EML6: variants seen among roughly 807,000 people sequenced by gnomAD.
EML6 encodes the protein EMAP like 6, also known as echinoderm microtubule-associated protein-like 6.
In EML6, 154 loss-of-function variants were observed where a neutral mutation model predicts 240.1. The observed-to-expected ratio is 0.64, with a 90% CI of 0.56 to 0.73. The LOEUF is 0.73. Ranked by LOEUF, EML6 falls within the 30% of genes least tolerant of loss-of-function variation. The probability of loss-of-function intolerance (pLI) is 0.00; values close to 1 mark genes in which losing one functional copy is unlikely to be tolerated. For missense variants in EML6, 2,964 were observed against 2,474.6 expected, an observed-to-expected ratio of 1.20 and a Z score of -4.20; for synonymous variants, 1,148 against 899.0, an observed-to-expected ratio of 1.28 and a Z score of -4.95.
At chr2:54,770,914 A>G (rs1668376572) in intron 2 of EML6, among the ~76,000 whole-genome samples, 1 of 152,136 alleles carries the variant, frequency 6.6e-6, no homozygotes, top group South Asian at 2.1e-4. Context: ...ACTTTTGTGG[A>G]TGTAGTAATC....
chr2:54,763,475 T>C (rs1668059750), intron 2 of EML6, among the ~76,000 whole-genome samples: 1 of 152,250 alleles, frequency 6.6e-6, no homozygotes, highest in Non-Finnish European at 1.5e-5. Flanking sequence ...AAATAAGATA[T>C]ACTCAGAGAA....
At position 54,724,977 on chromosome 2, in the gene EML6, C is replaced by A; in HGVS notation, c.-85C>A. On this transcript the variant is annotated 5_prime_UTR_variant, in exon 2 of 42. Coordinates refer to ENST00000356458, the MANE Select transcript of EML6 (RefSeq NM_001039753.4). The surrounding 1 kb of genome is among the most constrained non-coding windows in gnomAD (Gnocchi z 5.2). ...TCAGCGCCCTGCGCCGCGCGCTGAG[C>A]CCCTGCAGGTCCGCCGCAGCCCCAG... is the stretch of plus-strand genomic sequence containing the variant. The A allele has an allele frequency of 8.6e-7, 1 of 1,163,644 alleles. No individual in the cohort carries two copies. The highest frequency in any genetic ancestry group is 1.1e-6 in the Non-Finnish European group (1 of 909,410). 72.1% of individuals were successfully genotyped at this position (1,163,644 alleles called of 1,614,324 possible).
chr2:54,924,126 A>G (rs1344292234), intron 26 of EML6, among the ~76,000 whole-genome samples: 1 of 152,178 alleles, frequency 6.6e-6, no homozygotes, highest in East Asian at 1.9e-4. Flanking sequence ...TCTTAGGTAA[A>G]TATATAGGAG....
chr2:54,952,182 G>A (rs1676014714), intron 30 of EML6, among the ~76,000 whole-genome samples: 7 of 152,130 alleles, frequency 4.6e-5, no homozygotes. Flanking sequence ...GCTCAGTAAA[G>A]CATCATCTCC....
intron 22 of EML6, among the ~76,000 whole-genome samples, chr2:54,902,497 T>G (rs1390364791): frequency 6.6e-6 from 1 of 152,130 alleles, no homozygotes; most frequent in Non-Finnish European, 1.5e-5. Flanking sequence ...CCTCCAAAGC[T>G]CAAGTGATCC....
chr2:54,843,453 G>C (rs1669568748), intron 7 of EML6, among the ~76,000 whole-genome samples: 1 of 152,060 alleles, frequency 6.6e-6, no homozygotes, highest in Non-Finnish European at 1.5e-5. Context: ...CAATCCTGCT[G>C]TAGAAACACA....
At chr2:54,796,445 T>G (rs546951386) in intron 2 of EML6, among the ~76,000 whole-genome samples, 4 of 152,310 alleles carry the variant, frequency 2.6e-5, no homozygotes, top group African/African-American at 9.6e-5. Context: ...CCTGTGCATT[T>G]TTTTTGAAGT....
intron 2 of EML6, among the ~76,000 whole-genome samples, chr2:54,807,133 T>G (rs1670541495): frequency 6.6e-6 from 1 of 152,126 alleles, no homozygotes; most frequent in African/African-American, 2.4e-5. Context: ...TTTTCTAAAC[T>G]CCTATATCTG....
chr2:54,835,624 T>A (rs1364567883), intron 7 of EML6, among the ~76,000 whole-genome samples: 2 of 152,136 alleles, frequency 1.3e-5, no homozygotes, highest in African/African-American at 4.8e-5. Flanking sequence ...GCCCAGGTGG[T>A]TGTTCCAGAG....
chr2:54,898,182 C>A (rs1323147717), intron 21 of EML6, among the ~76,000 whole-genome samples: 1 of 152,058 alleles, frequency 6.6e-6, no homozygotes, highest in African/African-American at 2.4e-5. Flanking sequence ...AAGCAGGATC[C>A]TAAGCCCATT....
At chr2:54,756,536 C>T (rs748814745) in intron 2 of EML6, among the ~76,000 whole-genome samples, 32 of 152,018 alleles carry the variant, frequency 2.1e-4, no homozygotes, top group African/African-American at 1.4e-4. Context: ...TGAACCATTT[C>T]TCTTGTATTT....
chr2:54,784,417 A>G (rs1229406370), intron 2 of EML6, among the ~76,000 whole-genome samples: 1 of 152,192 alleles, frequency 6.6e-6, no homozygotes, highest in Non-Finnish European at 1.5e-5. Context: ...ACTTGTTACC[A>G]TATGTATTTT....
At position 54,959,252 on chromosome 2, in the gene EML6, A is replaced by G; in HGVS notation, c.4844A>G (p.Lys1615Arg). The G allele has an allele frequency of 6.5e-7, 1 of 1,537,548 alleles. No homozygotes were observed. Among genetic ancestry groups the G allele is most frequent in the South Asian group, 1.2e-5 (1 of 81,666 alleles). ...GATGGACTCATAGTGACCGGCGGAA[A>G]AGAGAGGCCGTAAGCCAAAGCTCCT... ...LRDGLIVTGG[K>R]ERPTKEGGAV... is the part of the protein sequence containing the mutation. The change falls in exon 34 of 42, where the codon AAA (lysine) becomes AGA (arginine). Residue 1615 changes from lysine to arginine, a missense_variant. Lys to Arg is a conservative substitution (Grantham distance 26). Coordinates refer to ENST00000356458, the MANE Select transcript of EML6 (RefSeq NM_001039753.4).
rs555152906 is a variant in EML6, at chr2:54,863,880, T to C, written c.1923T>C (p.Tyr641=). 58 of 1,537,130 alleles carry C rather than the reference T, an allele frequency of 3.8e-5. No individual in the cohort carries two copies. The African/African-American group carries it at 5.0e-4, about 13-fold the overall frequency. The change falls in exon 13 of 42, where the codon TAT becomes TAC. Residue 641 remains tyrosine (Y), a synonymous_variant. Coordinates refer to ENST00000356458, the MANE Select transcript of EML6 (RefSeq NM_001039753.4). ...TTGAGCAAGAAGCTCAAATCAATTATGATCGCCAGGTCGGTAAGCAGGGAG... is the reference window on the plus strand; with the variant it reads ...TTGAGCAAGAAGCTCAAATCAATTACGATCGCCAGGTCGGTAAGCAGGGAG... The part of the protein sequence containing the change: ...SDIEQEAQIN[Y]DRQVYKEDLP...
intron 32 of EML6, among the ~76,000 whole-genome samples, chr2:54,955,137 C>T (rs1229301788): frequency 6.6e-6 from 1 of 152,194 alleles, no homozygotes; most frequent in East Asian, 1.9e-4. Flanking sequence ...TCTAGGAAAC[C>T]ACATGTTCTC....
rs139514173 is a variant in EML6, at chr2:54,837,414, G to A, written c.848-6633G>A. On this transcript the variant is annotated intron_variant, in intron 7 of 41. Coordinates refer to ENST00000356458, the MANE Select transcript of EML6 (RefSeq NM_001039753.4). ...TTACTAGCCCCGTTGAGGGCCTGGCGCTGTCCATGGGGTTAATGATAATGC... is the reference window on the plus strand; with the variant it reads ...TTACTAGCCCCGTTGAGGGCCTGGCACTGTCCATGGGGTTAATGATAATGC... Among the ~76,000 whole-genome samples the A allele has an allele frequency of 3.0e-4, 46 of 152,240 alleles. No homozygotes were observed. The East Asian group carries it at 8.1e-3, about 27-fold the overall frequency.
chr2:54,840,480 C>A (rs113698550), intron 7 of EML6, among the ~76,000 whole-genome samples: 239 of 152,292 alleles, frequency 1.6e-3, no homozygotes, highest in African/African-American at 5.5e-3. Flanking sequence ...ATATGTCTGG[C>A]CCCTTTTTCA....
chr2:54,847,741 A>ATC, intron 9 of EML6, 118 bp downstream of exon 9: 1 of 1,036,730 alleles, frequency 9.6e-7, no homozygotes, highest in South Asian at 1.7e-5. Context: ...TTCAAATAGG[A>ATC]ATACTATAGA....
At chr2:54,791,142 A>G (rs898126769) in intron 2 of EML6, among the ~76,000 whole-genome samples, 1 of 152,096 alleles carries the variant, frequency 6.6e-6, no homozygotes, top group Non-Finnish European at 1.5e-5. Context: ...GTGAAGAGAA[A>G]TTCAGAGAGG....
Sources: allele counts gnomAD v4.1 joint callset (sites outside exome capture counted in the v4.1 genomes callset), GRCh38; gene constraint gnomAD v4.1.1; non-coding constraint Gnocchi (gnomAD v3.1); transcripts MANE v1.5; gene names NCBI Gene and HGNC (gene_info 2026-07-23, HGNC 2026-07-21).